Variants in SCARA5 observed in about 807,000 individuals in gnomAD.
SCARA5 encodes scavenger receptor class A member 5.
Under a neutral mutation model 46.3 loss-of-function variants are expected in SCARA5, and 45 were observed. The ratio of observed to expected loss-of-function variants is 0.97; its 90% confidence interval spans 0.76 to 1.24. SCARA5 has a LOEUF of 1.24. SCARA5 is among the 50% of genes most tolerant of loss of function. SCARA5 has a pLI of 0.00. For synonymous variants in SCARA5, 333 were observed against 306.5 expected (o/e 1.09, Z -0.90); for missense variants, 680 against 689.0 (o/e 0.99, Z 0.15).
chr8:27,910,373 C>T lies in SCARA5; in HGVS notation c.917-630G>A, dbSNP rs561380317. The stretch of plus-strand genomic sequence containing the variant: ...AAGAGTGAAAAGGGACAGTTCCAGG[C>T]AGAGGGAACAATCCCTACAAAGGCT... On this transcript the variant is annotated intron_variant, in intron 4 of 8. Transcript: ENST00000354914. 3 of 152,394 alleles carry T rather than the reference C, an allele frequency of 2.0e-5. No individual in the cohort carries two copies. The South Asian group carries it at 6.2e-4, about 32-fold the overall frequency. 9.4% of individuals were successfully genotyped at this position (152,394 alleles called of 1,614,324 possible).
intron 3 of SCARA5, among the ~76,000 whole-genome samples, chr8:27,963,705 A>G (rs1292643326): frequency 6.6e-6 from 1 of 152,180 alleles, no homozygotes; most frequent in Admixed American, 6.5e-5. Flanking sequence ...GGGCAAGAAG[A>G]TGAATTGAGA....
intron 7 of SCARA5, among the ~76,000 whole-genome samples, chr8:27,898,196 A>G (rs1320264037): frequency 6.6e-6 from 1 of 152,252 alleles, no homozygotes; most frequent in Non-Finnish European, 1.5e-5. Context: ...ATGTGAAGCC[A>G]TCAAACCACT....
intron 7 of SCARA5, among the ~76,000 whole-genome samples, chr8:27,899,127 A>T (rs1283300919): frequency 6.6e-6 from 1 of 152,226 alleles, no homozygotes; most frequent in Non-Finnish European, 1.5e-5. Context: ...ACTTTCAGCC[A>T]GTTGCTTATA....
intron 2 of SCARA5, among the ~76,000 whole-genome samples, chr8:27,984,034 GCGGC>G (rs1272271665): frequency 6.6e-6 from 1 of 152,094 alleles, no homozygotes; most frequent in Non-Finnish European, 1.5e-5. Flanking sequence ...AGGCTCAAGG[GCGGC>G]CCTGACCGGA....
In SCARA5 at chr8:27,869,963, G is replaced by A. The variant is rs1806608952; in HGVS notation, c.*1971C>T. On this transcript the variant is annotated 3_prime_UTR_variant, in exon 9 of 9. Transcript: ENST00000354914. ...TTTAGGCCAGGCCTAATTTGCTTTGGTCCCTGAAATGCAGGCCCATGGTCA... is the reference window on the plus strand; with the variant it reads ...TTTAGGCCAGGCCTAATTTGCTTTGATCCCTGAAATGCAGGCCCATGGTCA... 3 of 152,204 alleles carry A rather than the reference G, an allele frequency of 2.0e-5. No homozygotes were observed. The highest frequency in any genetic ancestry group is 2.0e-4 in the Admixed American group (3 of 15,280). 9.4% of individuals were successfully genotyped at this position (152,204 alleles called of 1,614,324 possible). A position where few individuals can be genotyped will look rare whatever the true frequency, so the allele number is the denominator to read the frequency against.
At chr8:27,958,468 T>C (rs755817274) in intron 3 of SCARA5, among the ~76,000 whole-genome samples, 1 of 152,116 alleles carries the variant, frequency 6.6e-6, no homozygotes, top group Non-Finnish European at 1.5e-5. Flanking sequence ...CAAACGACCC[T>C]GACTCACCTC....
chr8:27,931,654 C>A (rs973860587), intron 3 of SCARA5, among the ~76,000 whole-genome samples: 1 of 152,084 alleles, frequency 6.6e-6, no homozygotes, highest in Non-Finnish European at 1.5e-5. Context: ...GGACAAAGAA[C>A]CTTGCATTTT....
chr8:27,956,823 G>T (rs1414908834), intron 3 of SCARA5, among the ~76,000 whole-genome samples: 2 of 152,206 alleles, frequency 1.3e-5, no homozygotes, highest in African/African-American at 4.8e-5. Context: ...TTTGTTGTTT[G>T]GGATTTGATG....
chr8:27,937,905 C>A (rs1267866762), intron 3 of SCARA5, among the ~76,000 whole-genome samples: 2 of 152,184 alleles, frequency 1.3e-5, no homozygotes, highest in Non-Finnish European at 2.9e-5. Context: ...CACTTAGTCA[C>A]CTCTTTAAAG....
intron 2 of SCARA5, among the ~76,000 whole-genome samples, chr8:27,978,600 C>T (rs1015664880): frequency 2.6e-5 from 4 of 152,042 alleles, no homozygotes; most frequent in African/African-American, 7.3e-5. Flanking sequence ...CAGCCTTGAC[C>T]GCCTGGTCAA....
chr8:27,989,359 G>A (rs1043932125), intron 1 of SCARA5, among the ~76,000 whole-genome samples: 1 of 151,990 alleles, frequency 6.6e-6, no homozygotes, highest in African/African-American at 2.4e-5. Context: ...AACTCCTGGA[G>A]TCAAGCGCTC....
chr8:27,905,217 C>T (rs1031012144), intron 6 of SCARA5, among the ~76,000 whole-genome samples: 7 of 151,942 alleles, frequency 4.6e-5, no homozygotes, highest in East Asian at 1.9e-4. Context: ...GGGGGAGAGG[C>T]GGGTTCTATG....
chr8:27,917,280 A>G (rs1807478035), intron 4 of SCARA5, among the ~76,000 whole-genome samples: 1 of 152,210 alleles, frequency 6.6e-6, no homozygotes, highest in South Asian at 2.1e-4. Context: ...TTTGAGGACC[A>G]AAGAAAGACT....
chr8:27,897,605 T>C (rs1807085198), intron 7 of SCARA5, among the ~76,000 whole-genome samples: 1 of 152,226 alleles, frequency 6.6e-6, no homozygotes, highest in South Asian at 2.1e-4. Flanking sequence ...GGGATGCCAG[T>C]CCCTGGTGGG....
chr8:27,988,163 A>C (rs1307744848), intron 1 of SCARA5, among the ~76,000 whole-genome samples: 1 of 152,194 alleles, frequency 6.6e-6, no homozygotes, highest in Non-Finnish European at 1.5e-5. Flanking sequence ...ACTGCTCCCA[A>C]ATCCAACGGG....
At chr8:27,984,008 T>C (rs1339662539) in intron 2 of SCARA5, among the ~76,000 whole-genome samples, 2 of 152,164 alleles carry the variant, frequency 1.3e-5, no homozygotes, top group Middle Eastern at 3.2e-3. Flanking sequence ...CTTCACCGTC[T>C]TCATTTACTA....
Position 27,920,144 on chromosome 8 carries a change from T to C in SCARA5, c.916+1427A>G, listed in dbSNP as rs141971651. Among the ~76,000 whole-genome samples, 1,238 of 151,906 alleles carry C rather than the reference T, an allele frequency of 8.1e-3. 22 individuals carry two copies. Among genetic ancestry groups the C allele is most frequent in the African/African-American group, 0.029 (1,182 of 41,400 alleles). On this transcript the variant is annotated intron_variant, in intron 4 of 8. Transcript: ENST00000354914. ...ATCATTTGTGGGCCCACAGCACGAGTACAATGGAGGCCCATACATTTTTGC... is the reference window on the plus strand; with the variant it reads ...ATCATTTGTGGGCCCACAGCACGAGCACAATGGAGGCCCATACATTTTTGC...
chr8:27,941,957 G>A (rs1464915631), intron 3 of SCARA5, among the ~76,000 whole-genome samples: 1 of 151,812 alleles, frequency 6.6e-6, no homozygotes, highest in African/African-American at 2.4e-5. Flanking sequence ...CTCCTGAGTA[G>A]CTGGGATTAC....
chr8:27,941,838 T>TTATTAC (rs1807951380), intron 3 of SCARA5, among the ~76,000 whole-genome samples: 1 of 147,940 alleles, frequency 6.8e-6, no homozygotes, highest in Non-Finnish European at 1.5e-5. Context: ...ATTATTATTA[T>TTATTAC]TATTTTGAGG....
Sources: allele counts gnomAD v4.1 joint callset (sites outside exome capture counted in the v4.1 genomes callset), GRCh38; gene constraint gnomAD v4.1.1; transcripts MANE v1.5; gene names NCBI Gene and HGNC (gene_info 2026-07-23, HGNC 2026-07-21).